PYHIN1: variants seen among roughly 807,000 people sequenced by gnomAD.
PYHIN1 encodes the protein pyrin and HIN domain family member 1.
In PYHIN1, 32 loss-of-function variants were observed where a neutral mutation model predicts 43.7. That is an observed-to-expected ratio of 0.73 (90% confidence interval 0.55 to 0.98). The LOEUF is 0.98. PYHIN1 is among the 50% of genes least tolerant of loss of function. The probability of loss-of-function intolerance (pLI) is 0.00; values close to 1 mark genes in which losing one functional copy is unlikely to be tolerated. For missense variants in PYHIN1, 588 were observed against 589.5 expected, an observed-to-expected ratio of 1.00 and a Z score of 0.03; for synonymous variants, 205 against 203.1, an observed-to-expected ratio of 1.01 and a Z score of -0.08.
At position 158,943,743 on chromosome 1, in the gene PYHIN1, G is replaced by A. The variant is rs377449798; in HGVS notation, c.1003-47G>A. 2.0e-5 allele frequency: 29 copies of A among 1,438,948 alleles called. No homozygotes were observed. In the African/African-American group the frequency reaches 2.7e-4, roughly 13 times the overall value. The allele number at this position is 1,438,948 out of a possible 1,614,324, so 89.1% of individuals were successfully genotyped here. On this transcript the variant is annotated intron_variant, in intron 5 of 8. Coordinates refer to ENST00000368140, the MANE Select transcript of PYHIN1 (RefSeq NM_152501.5). Reference sequence around the variant, plus strand: ...TCACAAGAGACTTTCCTATATGCACGGTAGTTACTATGTTCTCACAAACAT... The same window carrying A: ...TCACAAGAGACTTTCCTATATGCACAGTAGTTACTATGTTCTCACAAACAT...
At chr1:158,939,419 T>G in intron 4 of PYHIN1, 172 bp downstream of exon 4, 1 of 1,557,224 alleles carries the variant, frequency 6.4e-7, no homozygotes, top group Non-Finnish European at 8.7e-7. Context: ...TTGATGAACT[T>G]GACATTATCT....
At position 158,976,868 on chromosome 1, in the gene PYHIN1, CTATATATATATATATATA is replaced by C. The variant is rs145640162; in HGVS notation, c.*204_*221del. On this transcript the variant is annotated 3_prime_UTR_variant, in exon 9 of 9. Transcript: ENST00000368140. ...TATGTATATATATCTGGTTGAAATACTATATATATATATATATATATATATATATATATATATATATAT... is the reference window on the plus strand; with the variant it reads ...TATGTATATATATCTGGTTGAAATACTATATATATATATATATATATATAT... 0.024 allele frequency: 5,568 copies of C among 231,650 alleles called. 209 individuals are homozygous for C. Among genetic ancestry groups the C allele is most frequent in the South Asian group, 0.1 (593 of 5,874 alleles). The allele number at this position is 231,650 out of a possible 1,614,324, so 14.3% of individuals were successfully genotyped here. A position where few individuals can be genotyped will look rare whatever the true frequency, so the allele number is the denominator to read the frequency against.
chr1:158,973,736 T>G lies in PYHIN1; in HGVS notation c.1449T>G (p.Thr483=). The change falls in exon 8 of 9, where the codon ACT becomes ACG. Residue 483 remains threonine (T), a synonymous_variant. Transcript: ENST00000368140. Reference sequence around the variant, plus strand: ...TGGCCCCTCCTCTTTCTTCTGACACTTCCACCAACCGCCATCCAGCAGTTC... The same window carrying G: ...TGGCCCCTCCTCTTTCTTCTGACACGTCCACCAACCGCCATCCAGCAGTTC... ...PTVAPPLSSD[T]STNRHPAVP The G allele has an allele frequency of 1.9e-6, 3 of 1,613,120 alleles. No individual in the cohort carries two copies. Among genetic ancestry groups the G allele is most frequent in the Non-Finnish European group, 2.5e-6 (3 of 1,179,424 alleles).
At chr1:158,964,698 G>A (rs1025739551) in intron 7 of PYHIN1, among the ~76,000 whole-genome samples, 3 of 152,154 alleles carry the variant, frequency 2.0e-5, no homozygotes, top group African/African-American at 7.2e-5. Flanking sequence ...GAGGGAATTT[G>A]TTACCACCAG....
chr1:158,943,185 C>T (rs1186749552), intron 5 of PYHIN1, among the ~76,000 whole-genome samples: 1 of 152,002 alleles, frequency 6.6e-6, no homozygotes, highest in Non-Finnish European at 1.5e-5. Context: ...CTTATTTTAC[C>T]AGCATTGCTT....
intron 8 of PYHIN1, among the ~76,000 whole-genome samples, chr1:158,975,853 GAA>G (rs1160379596): frequency 1.3e-5 from 2 of 152,088 alleles, no homozygotes; most frequent in Non-Finnish European, 2.9e-5. Context: ...TAATAGAATG[GAA>G]ATAATGATGT....
At chr1:158,938,656 T>C in intron 3 of PYHIN1, 114 bp downstream of exon 3, 6 of 1,073,906 alleles carry the variant, frequency 5.6e-6, no homozygotes, top group Non-Finnish European at 6.5e-6. Flanking sequence ...CCCATCAAGT[T>C]TCAGATTTAT....
In PYHIN1 at chr1:158,933,297, CATT is replaced by C. The variant is rs1205600555; in HGVS notation, c.-21+1524_-21+1526del. 2.0e-5 allele frequency among the ~76,000 whole-genome samples: 3 copies of C among 150,908 alleles called. No homozygotes were observed. Among genetic ancestry groups the C allele is most frequent in the Non-Finnish European group, 4.4e-5 (3 of 67,660 alleles). ...ATATGAAGATAAATATATTATATAA[CATT>C]ATATTATCATGAAGGACTATACAAT... On this transcript the variant is annotated intron_variant, in intron 1 of 8. Coordinates refer to ENST00000368140, the MANE Select transcript of PYHIN1 (RefSeq NM_152501.5). The surrounding 1 kb of genome is among the most constrained non-coding windows in gnomAD (Gnocchi z 6.3).
chr1:158,945,359 T>C (rs1649167807), intron 7 of PYHIN1: 1 of 205,850 alleles, frequency 4.9e-6, no homozygotes, highest in East Asian at 1.1e-4. Context: ...CATTCCAATT[T>C]CTTTCACAAC....
intron 4 of PYHIN1, chr1:158,940,191 A>G (rs934889377): frequency 2.6e-5 from 4 of 151,448 alleles, no homozygotes; most frequent in African/African-American, 4.9e-5. Flanking sequence ...GCACCACTGC[A>G]CTCCAGCCTG....
chr1:158,982,631 T>C, the PYHIN1 span, among the ~76,000 whole-genome samples: 7 of 152,188 alleles, frequency 4.6e-5, no homozygotes, highest in Non-Finnish European at 8.8e-5. Flanking sequence ...GGGATCTTTT[T>C]TGGGTTCCAT....
chr1:158,951,302 G>C (rs1649519171), intron 7 of PYHIN1, among the ~76,000 whole-genome samples: 1 of 152,150 alleles, frequency 6.6e-6, no homozygotes, highest in African/African-American at 2.4e-5. Context: ...GCAGTGAGCT[G>C]TGGGCTGGAA....
At chr1:158,939,338 C>T in intron 4 of PYHIN1, 91 bp downstream of exon 4, 1 of 1,590,222 alleles carries the variant, frequency 6.3e-7, no homozygotes, top group Non-Finnish European at 8.6e-7. Context: ...TGACATCAAT[C>T]ATCAGCCAGT....
chr1:158,990,806 T>C, the PYHIN1 span, among the ~76,000 whole-genome samples: 1 of 152,158 alleles, frequency 6.6e-6, no homozygotes, highest in Non-Finnish European at 1.5e-5. Context: ...TCATCTCAAA[T>C]TGTAATCCCT....
chr1:158,972,037 G>A (rs1054699768), intron 7 of PYHIN1, among the ~76,000 whole-genome samples: 6 of 152,072 alleles, frequency 3.9e-5, no homozygotes, highest in African/African-American at 1.4e-4. Context: ...TATAGAGGCA[G>A]ATACATAATC....
intron 7 of PYHIN1, among the ~76,000 whole-genome samples, chr1:158,954,770 A>G (rs945025398): frequency 1.3e-5 from 2 of 151,252 alleles, no homozygotes; most frequent in Non-Finnish European, 2.9e-5. Flanking sequence ...TTAAATGTAA[A>G]TGGACTAAAT....
At position 158,972,457 on chromosome 1, in the gene PYHIN1, G is replaced by A. The variant is rs532022677; in HGVS notation, c.1360-1190G>A. Among the ~76,000 whole-genome samples the A allele has an allele frequency of 1.1e-3, 165 of 151,770 alleles. 3 individuals are homozygous for A. In the South Asian group the frequency reaches 0.034, roughly 31 times the overall value. On this transcript the variant is annotated intron_variant, in intron 7 of 8. Transcript: ENST00000368140. The stretch of plus-strand genomic sequence containing the variant: ...TTCTAGGATTTTTATGATTTACAAG[G>A]GATACATTGATAAAATCATTCCTGA...
intron 4 of PYHIN1, chr1:158,939,626 T>C: frequency 4.5e-6 from 5 of 1,118,136 alleles, no homozygotes; most frequent in Non-Finnish European, 6.6e-6. Flanking sequence ...CACACCATAT[T>C]TCTTTCACCT....
At chr1:158,938,656 T>G in intron 3 of PYHIN1, 114 bp downstream of exon 3, 1 of 1,073,906 alleles carries the variant, frequency 9.3e-7, no homozygotes, top group African/African-American at 1.6e-5. Flanking sequence ...CCCATCAAGT[T>G]TCAGATTTAT....
Sources: gnomAD v4.1 joint callset for allele counts (sites outside exome capture counted in the v4.1 genomes callset) on GRCh38, gnomAD v4.1.1 for gene constraint, Gnocchi (gnomAD v3.1) non-coding constraint, MANE v1.5 for transcripts, NCBI Gene and HGNC (gene_info 2026-07-23, HGNC 2026-07-21) for gene names.